The following HOMER2 variants were observed in gnomAD, a reference collection of about 807,000 sequenced individuals.
The protein encoded by HOMER2 is homer scaffold protein 2, also known as homer protein homolog 2.
A neutral mutation model predicts 47.0 loss-of-function variants in HOMER2; 27 were observed. The ratio of observed to expected loss-of-function variants is 0.57; its 90% CI spans 0.42 to 0.79. The LOEUF (loss-of-function observed/expected upper bound fraction) is 0.79. HOMER2 is among the 30% of genes least tolerant of loss of function. The probability of loss-of-function intolerance (pLI) is 0.00; values close to 1 mark genes in which losing one functional copy is unlikely to be tolerated. For missense variants in HOMER2, 443 were observed against 435.0 expected (o/e 1.02, Z -0.16); for synonymous variants, 161 against 163.8 (o/e 0.98, Z 0.13).
intron 1 of HOMER2, among the ~76,000 whole-genome samples, chr15:82,919,173 G>C (rs2053665247): frequency 6.6e-6 from 1 of 152,188 alleles, no homozygotes; most frequent in Non-Finnish European, 1.5e-5. Context: ...CACTGACCTA[G>C]ATTACACCAA....
At chr15:82,931,769 CA>C (rs1014432716) in intron 1 of HOMER2, among the ~76,000 whole-genome samples, 1 of 152,026 alleles carries the variant, frequency 6.6e-6, no homozygotes, top group Admixed American at 6.6e-5. Flanking sequence ...ACCCAAAAGG[CA>C]GAGGTTGCCA....
chr15:82,868,541 A>ATATATATATT, intron 3 of HOMER2, among the ~76,000 whole-genome samples: 36 of 71,260 alleles, frequency 5.1e-4, no homozygotes, highest in African/African-American at 7.0e-4. Flanking sequence ...ATATATATAT[A>ATATATATATT]TTTTTTTTTT....
intron 1 of HOMER2, among the ~76,000 whole-genome samples, chr15:82,966,400 G>T (rs376356110): frequency 6.6e-6 from 1 of 152,272 alleles, no homozygotes; most frequent in East Asian, 1.9e-4. Flanking sequence ...GAATAAAAGG[G>T]GGGGAAAGAA....
intron 1 of HOMER2, among the ~76,000 whole-genome samples, chr15:82,972,356 A>G (rs2030023072): frequency 6.6e-6 from 1 of 152,214 alleles, no homozygotes; most frequent in Non-Finnish European, 1.5e-5. Flanking sequence ...ATGTTCTTAA[A>G]GTTTTACAAT....
chr15:82,857,422 C>CTTT (rs71156058), intron 5 of HOMER2, among the ~76,000 whole-genome samples: 6 of 74,192 alleles, frequency 8.1e-5, no homozygotes, highest in Non-Finnish European at 1.4e-4. Flanking sequence ...GATGATACAG[C>CTTT]TTTTTTTTTT....
intron 1 of HOMER2, among the ~76,000 whole-genome samples, chr15:82,929,394 G>A (rs1327813675): frequency 1.3e-5 from 2 of 152,028 alleles, no homozygotes; most frequent in Non-Finnish European, 2.9e-5. Context: ...GGTGGCTCAC[G>A]CCCGTAATCC....
At position 82,868,525 on chromosome 15, in the gene HOMER2, A is replaced by T. The variant is rs55852237; in HGVS notation, c.295-4266T>A. Among the ~76,000 whole-genome samples, 38 of 46,698 alleles carry T rather than the reference A, an allele frequency of 8.1e-4. 2 individuals are homozygous for T. The highest frequency in any genetic ancestry group is 1.6e-3 in the Non-Finnish European group (34 of 21,330). The allele number at this position is 46,698 out of a possible 152,430, so 30.6% of individuals were successfully genotyped here. ...GTTATATATATCACTTATTTATTTT[A>T]TATATATATATATATATTTTTTTTT... On this transcript the variant is annotated intron_variant, in intron 3 of 8. Coordinates refer to ENST00000450735, the MANE Select transcript of HOMER2 (RefSeq NM_004839.4).
upstream of HOMER2, among the ~76,000 whole-genome samples, chr15:82,955,731 T>C (rs1363812175): frequency 6.6e-6 from 1 of 152,248 alleles, no homozygotes; most frequent in Non-Finnish European, 1.5e-5. Flanking sequence ...ATTTATTCTT[T>C]CAATAAATGT....
At chr15:82,962,197 C>T (rs561874389) in intron 1 of HOMER2, among the ~76,000 whole-genome samples, 5 of 151,758 alleles carry the variant, frequency 3.3e-5, no homozygotes, top group African/African-American at 4.8e-5. Context: ...GGTGAAACCC[C>T]GTCTCTACTA....
chr15:82,858,900 CAA>C, intron 5 of HOMER2, 127 bp downstream of exon 5: 2 of 1,076,884 alleles, frequency 1.9e-6, no homozygotes, highest in East Asian at 2.6e-5. Flanking sequence ...CACCAGGAGA[CAA>C]GAGTGGATGC....
chr15:82,957,776 G>T (rs1050556317), downstream of HOMER2, among the ~76,000 whole-genome samples: 12 of 152,146 alleles, frequency 7.9e-5, no homozygotes, highest in Admixed American at 1.3e-4. Flanking sequence ...CTCCCATCCA[G>T]GGCTCTCCTA....
chr15:82,936,369 A>G (rs1162990711), intron 1 of HOMER2, among the ~76,000 whole-genome samples: 3 of 152,222 alleles, frequency 2.0e-5, no homozygotes, highest in Non-Finnish European at 2.9e-5. Flanking sequence ...GGGAGGGGCC[A>G]GGGACAGGTG....
chr15:82,983,454 C>T (rs1596392326), intron 1 of HOMER2, among the ~76,000 whole-genome samples: 1 of 152,120 alleles, frequency 6.6e-6, no homozygotes, highest in Non-Finnish European at 1.5e-5. Flanking sequence ...AATATTTCAC[C>T]AGTGTTTCAA....
Position 82,852,217 on chromosome 15 carries a change from G to T in HOMER2, c.687C>A (p.Asn229Lys). The T allele has an allele frequency of 6.2e-7, 1 of 1,613,860 alleles. No homozygotes were observed. The highest frequency in any genetic ancestry group is 8.5e-7 in the Non-Finnish European group (1 of 1,179,838). ...GCTGCGTGTTCTTCTCCTTCTCTCT[G>T]TTGATCTCACTGCATTGTTCTTCCA... ...DELEEQCSEI[N>K]REKEKNTQLK... is the part of the protein sequence containing the mutation. The change falls in exon 7 of 9, where the codon AAC becomes AAA. Residue 229 changes from asparagine (N) to lysine (K), a missense_variant. Physicochemically the swap from Asn to Lys is moderately conservative, Grantham distance 94. Transcript: ENST00000450735.
In HOMER2 at chr15:82,947,559, T is replaced by C. The variant is rs185505606; in HGVS notation, c.5+4972A>G. On this transcript the variant is annotated intron_variant, in intron 1 of 8. Coordinates refer to ENST00000450735, the MANE Select transcript of HOMER2 (RefSeq NM_004839.4). ...CTTTTGCAGGAGAGTAAAAAGGTAA[T>C]TTACAACTCCAGTACTCAAATGACA... is the stretch of plus-strand genomic sequence containing the variant. Among the ~76,000 whole-genome samples the C allele has an allele frequency of 2.6e-3, 393 of 152,264 alleles. 2 individuals carry two copies. Among genetic ancestry groups the C allele is most frequent in the African/African-American group, 9.1e-3 (376 of 41,540 alleles).
At chr15:82,893,947 A>G (rs1261198570) in intron 1 of HOMER2, among the ~76,000 whole-genome samples, 1 of 152,202 alleles carries the variant, frequency 6.6e-6, no homozygotes, top group East Asian at 1.9e-4. Context: ...TGCACCTGGT[A>G]ATATGATAGA....
intron 1 of HOMER2, among the ~76,000 whole-genome samples, chr15:82,983,967 C>T (rs911294741): frequency 6.6e-6 from 1 of 151,912 alleles, no homozygotes; most frequent in Non-Finnish European, 1.5e-5. Context: ...TACTATTTAG[C>T]GCACTATAGC....
chr15:82,981,684 G>C (rs141188493), intron 1 of HOMER2, among the ~76,000 whole-genome samples: 62 of 152,286 alleles, frequency 4.1e-4, no homozygotes, highest in African/African-American at 1.4e-3. Flanking sequence ...CATTAAAAGG[G>C]AAGGAAATTC....
downstream of HOMER2, chr15:82,845,872 G>A (rs1169831474): frequency 1.3e-5 from 2 of 152,222 alleles, no homozygotes; most frequent in Non-Finnish European, 2.9e-5. Context: ...TGTTAAAATA[G>A]GCAGAGCATG....
Sources: allele counts gnomAD v4.1 joint callset (sites outside exome capture counted in the v4.1 genomes callset), GRCh38; gene constraint gnomAD v4.1.1; transcripts MANE v1.5; gene names NCBI Gene and HGNC (gene_info 2026-07-23, HGNC 2026-07-21).